Variants in RAC1 observed in about 807,000 individuals in gnomAD.
RAC1 encodes the protein ras-related C3 botulinum toxin substrate 1.
In RAC1, 2 loss-of-function variants were observed where a neutral mutation model predicts 25.2. That is an observed-to-expected ratio of 0.08 (90% CI 0.03 to 0.25). RAC1 has a LOEUF of 0.25. RAC1 is among the 10% of genes least tolerant of loss of function. RAC1 has a pLI of 1.00. For missense variants in RAC1, 50 were observed against 235.7 expected (o/e 0.21, Z 5.16); for synonymous variants, 88 against 94.0 (o/e 0.94, Z 0.37).
chr7:6,375,975 A>G (rs1024539316), intron 1 of RAC1: 1 of 152,188 alleles, frequency 6.6e-6, no homozygotes, highest in African/African-American at 2.4e-5. Context: ...CAACTGGTAC[A>G]TGTTGCAGTA....
chr7:6,386,203 G>A (rs1246207288), intron 1 of RAC1, among the ~76,000 whole-genome samples: 1 of 152,172 alleles, frequency 6.6e-6, no homozygotes, highest in Non-Finnish European at 1.5e-5. Context: ...TCTCTGAGCT[G>A]TTAATTAAAT....
intron 1 of RAC1, among the ~76,000 whole-genome samples, chr7:6,379,268 A>ATTTTT (rs768891793): frequency 3.8e-5 from 4 of 105,770 alleles, no homozygotes; most frequent in Non-Finnish European, 5.4e-5. Flanking sequence ...TGCCGAGGTA[A>ATTTTT]TTTTTTTTTT....
At chr7:6,379,907 C>T (rs1245258948) in intron 1 of RAC1, among the ~76,000 whole-genome samples, 1 of 152,084 alleles carries the variant, frequency 6.6e-6, no homozygotes, top group Non-Finnish European at 1.5e-5. Context: ...AGCCACTGCG[C>T]CCGGCCACAA....
At chr7:6,392,990 C>A (rs962481096) in intron 3 of RAC1, among the ~76,000 whole-genome samples, 47 of 152,266 alleles carry the variant, frequency 3.1e-4, no homozygotes, top group African/African-American at 1.1e-3. Context: ...CCTCAGTGTG[C>A]GGGTGGGTCG....
intron 1 of RAC1, among the ~76,000 whole-genome samples, chr7:6,385,219 A>C (rs1214959699): frequency 6.6e-6 from 1 of 152,196 alleles, no homozygotes; most frequent in Non-Finnish European, 1.5e-5. Context: ...TTGCATTCTT[A>C]ATTTTTAAAT....
chr7:6,375,247 C>G (rs1007716531), intron 1 of RAC1, among the ~76,000 whole-genome samples: 30 of 152,054 alleles, frequency 2.0e-4, no homozygotes, highest in Non-Finnish European at 4.1e-4. Context: ...TGCCCCCAAA[C>G]TTTTCTTTAA....
At chr7:6,401,623 G>C (rs1206155440) in intron 4 of RAC1, 2 of 316,982 alleles carry the variant, frequency 6.3e-6, no homozygotes, top group Admixed American at 9.8e-5. Flanking sequence ...CGGTTGTAGA[G>C]CCCGTTCTGT....
chr7:6,391,682 G>A, intron 2 of RAC1: 2 of 498,084 alleles, frequency 4.0e-6, no homozygotes, highest in Admixed American at 3.7e-5. Flanking sequence ...ACGGTGATTT[G>A]TTTCACTTAA....
intron 1 of RAC1, among the ~76,000 whole-genome samples, chr7:6,383,374 G>A (rs1175624888): frequency 6.6e-6 from 1 of 152,152 alleles, no homozygotes; most frequent in Non-Finnish European, 1.5e-5. Context: ...TTAATCAGAA[G>A]ACTTAAAGAG....
At chr7:6,381,225 C>T (rs1171208312) in intron 1 of RAC1, among the ~76,000 whole-genome samples, 1 of 152,114 alleles carries the variant, frequency 6.6e-6, no homozygotes. Context: ...TATTTTTGAA[C>T]TCTTGTGTGT....
At chr7:6,401,847 C>T (rs1310735530) in intron 4 of RAC1, 21 bp from the exon 5 acceptor site, 1 of 1,606,238 alleles carries the variant, frequency 6.2e-7, no homozygotes, top group East Asian at 2.2e-5. Context: ...GTCACAACCT[C>T]TGTTCCTTCT....
intron 4 of RAC1, among the ~76,000 whole-genome samples, chr7:6,401,144 C>T (rs930264589): frequency 2.6e-5 from 4 of 151,652 alleles, no homozygotes; most frequent in East Asian, 1.9e-4. Flanking sequence ...TTAGTAGAGA[C>T]GGGGTTTCAC....
intron 3 of RAC1, among the ~76,000 whole-genome samples, chr7:6,397,344 G>A (rs185615497): frequency 6.6e-6 from 1 of 151,906 alleles, no homozygotes; most frequent in Non-Finnish European, 1.5e-5. Flanking sequence ...ACCCAGACTG[G>A]AGTGCAGTGT....
Position 6,402,395 on chromosome 7 carries a change from C to T in RAC1, c.528C>T (p.Val176=), listed in dbSNP as rs766743661. The T allele has an allele frequency of 1.2e-6, 2 of 1,610,884 alleles. No individual in the cohort carries two copies. Among genetic ancestry groups the T allele is most frequent in the South Asian group, 2.2e-5 (2 of 90,894 alleles). Residue 176 remains valine, a synonymous_variant, in exon 6 of 6, where the codon GTC becomes GTT. Transcript: ENST00000348035. ...TGTTTGACGAAGCGATCCGAGCAGT[C>T]CTCTGCCCGCCTCCCGTGAAGAAGA... is the stretch of plus-strand genomic sequence containing the variant. The part of the protein sequence containing the change: ...KTVFDEAIRA[V]LCPPPVKKRK...
At chr7:6,398,778 C>A in intron 3 of RAC1, 1 of 1,507,532 alleles carries the variant, frequency 6.6e-7, no homozygotes, top group Admixed American at 1.8e-5. Flanking sequence ...CATTTCACTT[C>A]GTTTTCCTAG....
rs2303365 is a variant in RAC1 at position 6,402,377 on chromosome 7, C to T, written c.510C>T (p.Asp170=). The change falls in exon 6 of 6, where the codon GAC becomes GAT. Residue 170 remains aspartate (D), a synonymous_variant. Transcript: ENST00000348035. The part of the protein sequence containing the change: ...LTQRGLKTVF[D]EAIRAVLCPP... The stretch of plus-strand genomic sequence containing the variant: ...AGCGAGGCCTCAAGACAGTGTTTGA[C>T]GAAGCGATCCGAGCAGTCCTCTGCC... 354 of 1,611,770 alleles carry T rather than the reference C, an allele frequency of 2.2e-4. 3 individuals carry two copies. In the East Asian group the frequency reaches 5.1e-3, roughly 23 times the overall value.
At chr7:6,391,541 G>C in intron 2 of RAC1, 1 of 225,556 alleles carries the variant, frequency 4.4e-6, no homozygotes, top group Non-Finnish European at 8.9e-6. Flanking sequence ...TAGCTCTCTT[G>C]CTGAAAATGA....
chr7:6,386,160 C>G (rs2115191640), intron 1 of RAC1, among the ~76,000 whole-genome samples: 1 of 152,280 alleles, frequency 6.6e-6, no homozygotes, highest in East Asian at 1.9e-4. Flanking sequence ...TATTTCTACA[C>G]ACTTCTCTGT....
intron 1 of RAC1, among the ~76,000 whole-genome samples, chr7:6,384,673 G>T (rs1369795407): frequency 1.3e-5 from 2 of 152,218 alleles, no homozygotes; most frequent in East Asian, 3.9e-4. Flanking sequence ...GTCTCCCTAT[G>T]TTGCCCAGGC....
Sources: allele counts gnomAD v4.1 joint callset (sites outside exome capture counted in the v4.1 genomes callset), GRCh38; gene constraint gnomAD v4.1.1; transcripts MANE v1.5; gene names NCBI Gene and HGNC (gene_info 2026-07-23, HGNC 2026-07-21).